The following AMBN variants were observed in gnomAD, a reference collection of about 807,000 sequenced individuals.
The protein encoded by AMBN is ameloblastin, also known as enamel matrix protein.
A neutral mutation model predicts 48.0 loss-of-function variants in AMBN; 54 were observed. The ratio of observed to expected loss-of-function variants is 1.12; its 90% CI spans 0.90 to 1.41. AMBN has a LOEUF of 1.41. Ranked by LOEUF, AMBN falls within the 40% of genes most tolerant of loss-of-function variation. AMBN has a pLI of 0.00. For synonymous variants in AMBN, 186 were observed against 190.0 expected (o/e 0.98, Z 0.17); for missense variants, 571 against 547.3 (o/e 1.04, Z -0.43).
At chr4:70,599,026 C>T (rs1183297664) in intron 4 of AMBN, among the ~76,000 whole-genome samples, 2 of 150,620 alleles carry the variant, frequency 1.3e-5, no homozygotes, top group Non-Finnish European at 3.0e-5. Context: ...CCACCCACCT[C>T]GGCCTCCCAA....
rs760617304 is a variant in AMBN at position 70,606,169 on chromosome 4, A to G, written c.799-16A>G. The G allele has an allele frequency of 4.3e-6, 7 of 1,611,960 alleles. No homozygotes were observed. Among genetic ancestry groups the G allele is most frequent in the Non-Finnish European group, 5.9e-6 (7 of 1,178,690 alleles). ...CATGTGATGATGGCATCTTTGACGA[A>G]TGTTTTTTTTTCCAGGGCGGGAGAG... On this transcript the variant is annotated splice_polypyrimidine_tract_variant and intron_variant, in intron 12 of 12. Coordinates refer to ENST00000322937, the MANE Select transcript of AMBN (RefSeq NM_016519.6).
chr4:70,605,904 A>G (rs1336135934), intron 12 of AMBN, among the ~76,000 whole-genome samples: 1 of 152,202 alleles, frequency 6.6e-6, no homozygotes, highest in African/African-American at 2.4e-5. Context: ...TTTTCTTAAA[A>G]TTAAATTCAA....
At chr4:70,594,985 T>C (rs75728781) in intron 2 of AMBN, among the ~76,000 whole-genome samples, 4,372 of 152,264 alleles carry the variant, frequency 0.029, 91 homozygotes, top group Non-Finnish European at 0.043. Context: ...AAGTACACTT[T>C]GTTCTGTGGC....
rs1363849416 is a variant in AMBN, at chr4:70,597,489, T to C, written c.135+440T>C. Among the ~76,000 whole-genome samples, 15 of 152,260 alleles carry C rather than the reference T, an allele frequency of 9.9e-5. No individual in the cohort carries two copies. In the East Asian group the frequency reaches 2.7e-3, roughly 27 times the overall value. On this transcript the variant is annotated intron_variant, in intron 3 of 12. Transcript: ENST00000322937. ...GGTAAATAACATTAACATTGTACTA[T>C]GATACTTCCTGCATAAGTTGTACAG...
chr4:70,594,013 T>C (rs2109799025), intron 2 of AMBN, among the ~76,000 whole-genome samples: 1 of 152,332 alleles, frequency 6.6e-6, no homozygotes, highest in Middle Eastern at 3.4e-3. Flanking sequence ...AATTTTATTA[T>C]CAACTTATTG....
At chr4:70,603,958 C>T in intron 12 of AMBN, 37 bp downstream of exon 12, 1 of 1,603,496 alleles carries the variant, frequency 6.2e-7, no homozygotes, top group African/African-American at 1.3e-5. Context: ...AAAATAGTGG[C>T]CAGGGAAGAA....
intron 6 of AMBN, 32 bp from the exon 7 acceptor site, chr4:70,602,592 A>G: frequency 6.7e-7 from 1 of 1,485,140 alleles, no homozygotes; most frequent in Non-Finnish European, 9.0e-7. Flanking sequence ...TTATTTTTTG[A>G]CTGATAATTT....
At chr4:70,603,122 G>A (rs987293372) in intron 9 of AMBN, 112 bp downstream of exon 9, 2 of 1,381,780 alleles carry the variant, frequency 1.4e-6, no homozygotes, top group African/African-American at 1.5e-5. Flanking sequence ...AAGTATAATG[G>A]GTTCCTTTGT....
At chr4:70,604,924 C>T (rs1482051506) in intron 12 of AMBN, among the ~76,000 whole-genome samples, 1 of 150,864 alleles carries the variant, frequency 6.6e-6, no homozygotes, top group Admixed American at 6.6e-5. Flanking sequence ...AACTGGGAGG[C>T]AGAGGTTTCA....
At chr4:70,604,411 C>G (rs1737594369) in intron 12 of AMBN, among the ~76,000 whole-genome samples, 1 of 152,128 alleles carries the variant, frequency 6.6e-6, no homozygotes, top group Non-Finnish European at 1.5e-5. Context: ...TGAGCATATA[C>G]TCTTATTATG....
At position 70,603,995 on chromosome 4, in the gene AMBN, A is replaced by T. The variant is rs376703369; in HGVS notation, c.798+74A>T. 341 of 1,479,212 alleles carry T rather than the reference A, an allele frequency of 2.3e-4. 1 individual carries two copies. Among genetic ancestry groups the T allele is most frequent in the Middle Eastern group, 5.2e-4 (3 of 5,772 alleles). 91.6% of individuals were successfully genotyped at this position (1,479,212 alleles called of 1,614,324 possible). On this transcript the variant is annotated intron_variant, in intron 12 of 12. Coordinates refer to ENST00000322937, the MANE Select transcript of AMBN (RefSeq NM_016519.6). ...AGTCACTTATGACTGGCTGCAAGAG[A>T]CGTCTGCCATGAATGTAGCCAAATG...
chr4:70,599,627 G>C lies in AMBN; in HGVS notation c.275G>C (p.Arg92Thr), dbSNP rs776557419. The C allele has an allele frequency of 6.2e-7, 1 of 1,611,744 alleles. No homozygotes were observed. Among genetic ancestry groups the C allele is most frequent in the Non-Finnish European group, 8.5e-7 (1 of 1,178,560 alleles). ...TCCTCTCTTCCATGGATGAGGCCAAGAGAACATGAAACTCAACAGGTGAGT... is the reference window on the plus strand; with the variant it reads ...TCCTCTCTTCCATGGATGAGGCCAACAGAACATGAAACTCAACAGGTGAGT... The part of the protein sequence containing the change: ...PHSSLPWMRP[R>T]EHETQQYEYS... The change falls in exon 5 of 13, where the codon AGA (arginine) becomes ACA (threonine). Residue 92 changes from arginine (R) to threonine (T), a missense_variant. Transcript: ENST00000322937.
intron 11 of AMBN, among the ~76,000 whole-genome samples, chr4:70,603,666 G>A (rs567483718): frequency 2.2e-4 from 34 of 151,444 alleles, no homozygotes; most frequent in African/African-American, 4.6e-4. Context: ...GCACACACAC[G>A]CACACAAGGG....
At chr4:70,597,188 G>C (rs1737404764) in intron 3 of AMBN, 139 bp downstream of exon 3, 10 of 631,348 alleles carry the variant, frequency 1.6e-5, no homozygotes, top group South Asian at 2.5e-5. Flanking sequence ...GAAAAGTTAT[G>C]ACATTTACTA....
At chr4:70,594,899 A>G (rs1278830506) in intron 2 of AMBN, among the ~76,000 whole-genome samples, 1 of 152,206 alleles carries the variant, frequency 6.6e-6, no homozygotes, top group African/African-American at 2.4e-5. Context: ...TTAATTCTGC[A>G]TGGGAAATGT....
intron 2 of AMBN, 96 bp from the exon 3 acceptor site, chr4:70,596,903 G>T: frequency 1.0e-6 from 1 of 995,088 alleles, no homozygotes; most frequent in Admixed American, 2.3e-5. Flanking sequence ...GGCCTCTCAG[G>T]TAGCCCGTAT....
Position 70,606,343 on chromosome 4 carries a change from A to G in AMBN, c.957A>G (p.Glu319=). Reference sequence around the variant, plus strand: ...CTGCCACCAAAGGCCCTGAGAACGAAGAAGGAGGTGCACAAGGCTCCCCTA... The same window carrying G: ...CTGCCACCAAAGGCCCTGAGAACGAGGAAGGAGGTGCACAAGGCTCCCCTA... ...PVAATKGPEN[E]EGGAQGSPMP... is the part of the protein sequence containing the mutation. The change falls in exon 13 of 13, where the codon GAA becomes GAG. Residue 319 remains glutamate (E), a synonymous_variant. Transcript: ENST00000322937. 2 of 1,614,114 alleles carry G rather than the reference A, an allele frequency of 1.2e-6. No homozygotes were observed. Among genetic ancestry groups the G allele is most frequent in the Non-Finnish European group, 1.7e-6 (2 of 1,180,014 alleles).
At chr4:70,598,316 C>A (rs751803066) in intron 3 of AMBN, 40 bp from the exon 4 acceptor site, 2 of 1,471,606 alleles carry the variant, frequency 1.4e-6, no homozygotes, top group Admixed American at 4.0e-5. Context: ...TCAAACACAG[C>A]ATATGCGATA....
intron 12 of AMBN, among the ~76,000 whole-genome samples, chr4:70,604,846 A>C (rs28377667): frequency 0.21 from 32,291 of 151,982 alleles, 3,815 homozygotes; most frequent in Admixed American, 0.32. Context: ...TACAAAAATC[A>C]GCCAGGTTTA....
Sources: allele counts gnomAD v4.1 joint callset (sites outside exome capture counted in the v4.1 genomes callset), GRCh38; gene constraint gnomAD v4.1.1; transcripts MANE v1.5; gene names NCBI Gene and HGNC (gene_info 2026-07-23, HGNC 2026-07-21).